C1GALT1: variants seen among roughly 807,000 people sequenced by gnomAD.
C1GALT1 encodes the protein glycoprotein-N-acetylgalactosamine 3-beta-galactosyltransferase 1.
Under a neutral mutation model 31.0 loss-of-function variants are expected in C1GALT1, and 11 were observed. The observed-to-expected ratio is 0.36, with a 90% CI of 0.22 to 0.59. The LOEUF (loss-of-function observed/expected upper bound fraction) is 0.59. C1GALT1 is among the 20% of genes least tolerant of loss of function. The pLI is 0.79. For synonymous variants in C1GALT1, 175 were observed against 143.6 expected (o/e 1.22, Z -1.56); for missense variants, 424 against 425.2 (o/e 1.00, Z 0.03).
intron 2 of C1GALT1, among the ~76,000 whole-genome samples, chr7:7,174,228 C>G (rs1780482037): frequency 6.6e-6 from 1 of 152,172 alleles, no homozygotes; most frequent in African/African-American, 2.4e-5. Flanking sequence ...TACAGCCACA[C>G]TAGGTGTTAG....
chr7:7,223,017 C>A (rs748078691), intron 1 of C1GALT1, among the ~76,000 whole-genome samples: 2 of 152,128 alleles, frequency 1.3e-5, no homozygotes, highest in African/African-American at 2.4e-5. Flanking sequence ...CAAGCACATT[C>A]TCTCCTATCC....
intron 1 of C1GALT1, among the ~76,000 whole-genome samples, chr7:7,195,745 T>G (rs1225952295): frequency 6.6e-6 from 1 of 152,194 alleles, no homozygotes; most frequent in Non-Finnish European, 1.5e-5. Flanking sequence ...TCCTGATGAC[T>G]TGTCTAGTGC....
chr7:7,163,892 C>G (rs1338293642), intron 2 of C1GALT1, among the ~76,000 whole-genome samples: 3 of 151,368 alleles, frequency 2.0e-5, no homozygotes, highest in Non-Finnish European at 4.4e-5. Context: ...CCATACTGCC[C>G]AAGGTAATTT....
chr7:7,224,771 T>G (rs1317589263), intron 1 of C1GALT1, among the ~76,000 whole-genome samples: 1 of 152,184 alleles, frequency 6.6e-6, no homozygotes, highest in East Asian at 1.9e-4. Flanking sequence ...ACCAGCTCTT[T>G]TTTTTACATT....
In C1GALT1 at chr7:7,243,582, T is replaced by C. The variant is rs1249510026; in HGVS notation, c.947T>C (p.Met316Thr). The change falls in exon 4 of 4, where the codon ATG becomes ACG. Residue 316 changes from methionine (M) to threonine (T), a missense_variant. By Grantham distance (81) the Met-to-Thr change is moderately conservative. Transcript: ENST00000436587. Reference sequence around the variant, plus strand: ...TTTCACTATGTTGATTCTACAACCATGTATGAGTTAGAATACCTCGTTTAT... The same window carrying C: ...TTTCACTATGTTGATTCTACAACCACGTATGAGTTAGAATACCTCGTTTAT... ...VSFHYVDSTT[M>T]YELEYLVYHL... The C allele has an allele frequency of 6.2e-7, 1 of 1,612,742 alleles. No homozygotes were observed. The highest frequency in any genetic ancestry group is 8.5e-7 in the Non-Finnish European group (1 of 1,179,480).
At chr7:7,161,975 T>C (rs1347997648) in intron 2 of C1GALT1, among the ~76,000 whole-genome samples, 1 of 152,084 alleles carries the variant, frequency 6.6e-6, no homozygotes, top group South Asian at 2.1e-4. Context: ...TCAAAAACTT[T>C]AGCAATTGTC....
intron 1 of C1GALT1, among the ~76,000 whole-genome samples, chr7:7,211,309 G>A (rs1190655496): frequency 6.6e-6 from 1 of 152,188 alleles, no homozygotes; most frequent in Non-Finnish European, 1.5e-5. Context: ...ACCCGGGGCT[G>A]AAGCTGGCGT....
intron 1 of C1GALT1, among the ~76,000 whole-genome samples, chr7:7,185,931 G>T (rs976810337): frequency 1.2e-4 from 19 of 152,206 alleles, no homozygotes; most frequent in African/African-American, 4.1e-4. Flanking sequence ...TATCAGTGAT[G>T]TCTTAATCTG....
intron 2 of C1GALT1, among the ~76,000 whole-genome samples, chr7:7,237,596 C>T (rs981379013): frequency 3.3e-5 from 5 of 152,196 alleles, no homozygotes; most frequent in South Asian, 2.1e-4. Context: ...TTGTTCTCTT[C>T]TGTTTTTGAT....
intron 1 of C1GALT1, among the ~76,000 whole-genome samples, chr7:7,191,150 C>T (rs1781054118): frequency 6.6e-6 from 1 of 152,128 alleles, no homozygotes. Context: ...TCCATTCTCA[C>T]CTTTCCACAG....
intron 1 of C1GALT1, among the ~76,000 whole-genome samples, chr7:7,233,873 A>G (rs1783205275): frequency 6.6e-6 from 1 of 152,168 alleles, no homozygotes; most frequent in Admixed American, 6.5e-5. Context: ...AAAGCCAAAA[A>G]TATTTTATTT....
chr7:7,161,673 T>C (rs1780335050), intron 2 of C1GALT1, among the ~76,000 whole-genome samples: 1 of 152,096 alleles, frequency 6.6e-6, no homozygotes, highest in Non-Finnish European at 1.5e-5. Context: ...AAATAGTAGA[T>C]AGTAGTTAGT....
At chr7:7,206,092 CAT>C (rs1237484914) in intron 1 of C1GALT1, among the ~76,000 whole-genome samples, 5 of 152,198 alleles carry the variant, frequency 3.3e-5, no homozygotes, top group Admixed American at 3.3e-4. Context: ...ATTTCAGTAA[CAT>C]AAAAAAATTA....
chr7:7,207,861 T>G (rs1185342318), intron 1 of C1GALT1, among the ~76,000 whole-genome samples: 7 of 152,118 alleles, frequency 4.6e-5, no homozygotes, highest in Non-Finnish European at 8.8e-5. Context: ...TAAGGTATTT[T>G]CAGGTCTTTT....
At chr7:7,178,038 G>C (rs117491599), upstream of C1GALT1, 141 of 225,738 alleles carry the variant, frequency 6.2e-4, 1 homozygote, top group Non-Finnish European at 1.0e-3. Flanking sequence ...AAAAAGGCTG[G>C]AGCTGTGTTT....
At position 7,243,756 on chromosome 7, in the gene C1GALT1, A is replaced by ATGTC; in HGVS notation, c.*31_*34dup. 1 of 1,520,014 alleles carries ATGTC rather than the reference A, an allele frequency of 6.6e-7. No homozygotes were observed. The highest frequency in any genetic ancestry group is 9.0e-7 in the Non-Finnish European group (1 of 1,112,346). The allele number at this position is 1,520,014 out of a possible 1,614,324, so 94.2% of individuals were successfully genotyped here. A position where few individuals can be genotyped will look rare whatever the true frequency, so the allele number is the denominator to read the frequency against. On this transcript the variant is annotated 3_prime_UTR_variant, in exon 4 of 4. Coordinates refer to ENST00000436587, the MANE Select transcript of C1GALT1 (RefSeq NM_020156.5). ...AAAATCATGAATGAACAAAGGTAAT[A>ATGTC]TGTCTAGCACTGCACTGAAAAAGGA...
intron 2 of C1GALT1, among the ~76,000 whole-genome samples, chr7:7,162,111 A>C (rs1348105354): frequency 7.0e-6 from 1 of 143,734 alleles, no homozygotes; most frequent in Non-Finnish European, 1.5e-5. Flanking sequence ...TCTTTTTTTA[A>C]ATTTTATTTT....
upstream of C1GALT1, among the ~76,000 whole-genome samples, chr7:7,180,453 A>T (rs1184270164): frequency 6.6e-6 from 1 of 152,250 alleles, no homozygotes; most frequent in Non-Finnish European, 1.5e-5. Flanking sequence ...GGTTGGATAA[A>T]TGATGGTATA....
At chr7:7,226,178 A>G (rs895923954) in intron 1 of C1GALT1, among the ~76,000 whole-genome samples, 5 of 152,162 alleles carry the variant, frequency 3.3e-5, no homozygotes, top group African/African-American at 1.2e-4. Flanking sequence ...TGACTGTAAG[A>G]TTTATATCAC....
Sources: allele counts gnomAD v4.1 joint callset (sites outside exome capture counted in the v4.1 genomes callset), GRCh38; gene constraint gnomAD v4.1.1; transcripts MANE v1.5; gene names NCBI Gene and HGNC (gene_info 2026-07-23, HGNC 2026-07-21).